The following BEX4 variants were observed in gnomAD, a reference collection of about 807,000 sequenced individuals.
The protein encoded by BEX4 is brain expressed X-linked 4.
For missense variants in BEX4, 110 were observed against 96.5 expected, an observed-to-expected ratio of 1.14 and a Z score of -0.59; for synonymous variants, 37 against 33.5, an observed-to-expected ratio of 1.11 and a Z score of -0.36.
At position 103,216,541 on chromosome X, in the gene BEX4, A is replaced by G; in HGVS notation, c.*25A>G. On this transcript the variant is annotated 3_prime_UTR_variant, in exon 3 of 3. Transcript: ENST00000372695. ...AATCCTAAAAGTTTTCGCTGAGGTT[A>G]ATGTGAACACTGCTTTACAAGCTTG... 8.5e-7 allele frequency: 1 copy of G among 1,177,381 alleles called. No individual in the cohort carries two copies. The highest frequency in any genetic ancestry group is 1.1e-6 in the Non-Finnish European group (1 of 876,954).
chrX:103,215,574 G>A (rs1924555959), intron 1 of BEX4, 108 bp from the exon 2 acceptor site: 1 of 532,942 alleles, frequency 1.9e-6, no homozygotes, highest in Non-Finnish European at 2.3e-6. Context: ...GAGGGCCAGG[G>A]CCAGGGCCAG....
Position 103,216,731 on chromosome X carries a change from A to C in BEX4, c.*215A>C. 2.9e-6 allele frequency: 1 copy of C among 346,776 alleles called. No individual in the cohort carries two copies. Among genetic ancestry groups the C allele is most frequent in the Non-Finnish European group, 5.0e-6 (1 of 200,406 alleles). The allele number at this position is 346,776 out of a possible 1,213,427, so 28.6% of individuals were successfully genotyped here. On this transcript the variant is annotated 3_prime_UTR_variant, in exon 3 of 3. Transcript: ENST00000372695. ...AAAAATACTCTTTTCATAATATGAA[A>C]TGCATAAAGCAGTTCAAAAAGCAGT...
intron 2 of BEX4, 122 bp downstream of exon 2, chrX:103,215,886 G>C (rs2273065): frequency 0.42 from 222,021 of 522,853 alleles, 39,302 homozygotes; most frequent in East Asian, 0.75. Flanking sequence ...CTTCCCACAC[G>C]CCATCCTCGT....
chrX:103,215,644 T>C (rs746027170), intron 1 of BEX4, 38 bp from the exon 2 acceptor site: 2 of 841,851 alleles, frequency 2.4e-6, no homozygotes, highest in African/African-American at 4.5e-5. Context: ...CTAGCTAGCG[T>C]TCTGCTGCAG....
chrX:103,215,565 A>C (rs1393729458), intron 1 of BEX4, 117 bp from the exon 2 acceptor site: 4 of 325,823 alleles, frequency 1.2e-5, no homozygotes, highest in African/African-American at 5.0e-5. Context: ...GGTGGCGAGG[A>C]GGGCCAGGGC....
chrX:103,215,362 G>A, intron 1 of BEX4, 124 bp downstream of exon 1: 1 of 499,017 alleles, frequency 2.0e-6, no homozygotes, highest in Non-Finnish European at 2.5e-6. Flanking sequence ...CGGGCCCCGC[G>A]GCGGGCCCGC....
chrX:103,216,549 C>T lies in BEX4; in HGVS notation c.*33C>T. The stretch of plus-strand genomic sequence containing the variant: ...AAGTTTTCGCTGAGGTTAATGTGAA[C>T]ACTGCTTTACAAGCTTGTATTTTTG... On this transcript the variant is annotated 3_prime_UTR_variant, in exon 3 of 3. Coordinates refer to ENST00000372695, the MANE Select transcript of BEX4 (RefSeq NM_001080425.4). 1 of 1,152,093 alleles carries T rather than the reference C, an allele frequency of 8.7e-7. No homozygotes were observed. Among genetic ancestry groups the T allele is most frequent in the East Asian group, 3.0e-5 (1 of 33,006 alleles). 94.9% of individuals were successfully genotyped at this position (1,152,093 alleles called of 1,213,427 possible). A position where few individuals can be genotyped will look rare whatever the true frequency, so the allele number is the denominator to read the frequency against.
At chrX:103,215,988 C>A (rs968182322) in intron 2 of BEX4, among the ~76,000 whole-genome samples, 161 bp from the exon 3 acceptor site, 1 of 111,021 alleles carries the variant, frequency 9.0e-6, no homozygotes, top group African/African-American at 3.3e-5. Context: ...TGAGGGCACC[C>A]CACAGGGCAT....
In BEX4 at chrX:103,216,370, C is replaced by T. The variant is rs1013473823; in HGVS notation, c.217C>T (p.His73Tyr). The T allele has an allele frequency of 2.0e-5, 24 of 1,209,657 alleles. No individual in the cohort carries two copies. Among genetic ancestry groups the T allele is most frequent in the Non-Finnish European group, 2.7e-5 (24 of 895,184 alleles). The stretch of plus-strand genomic sequence containing the variant: ...GGCCATACCTAATAGGCATATTGAG[C>T]ACAATGAAGCGAGAGATGATGTAGA... The part of the protein sequence containing the change: ...RWAIPNRHIE[H>Y]NEARDDVERF... Residue 73 changes from histidine (H) to tyrosine (Y), a missense_variant, in exon 3 of 3, where the codon CAC becomes TAC. Transcript: ENST00000372695.
Position 103,215,564 on chromosome X carries a change from GAGGGCCAGGGCC to G in BEX4, c.-88-99_-88-88del, listed in dbSNP as rs754363687. On this transcript the variant is annotated intron_variant, in intron 1 of 2. Coordinates refer to ENST00000372695, the MANE Select transcript of BEX4 (RefSeq NM_001080425.4). Reference sequence around the variant, plus strand: ...TGAGGCGGGGGGCGAGGGTGGCGAGGAGGGCCAGGGCCAGGGCCAGGGCCAGGGCCTCGGGGC... The same window carrying G: ...TGAGGCGGGGGGCGAGGGTGGCGAGGAGGGCCAGGGCCAGGGCCTCGGGGC... 314 of 519,357 alleles carry G rather than the reference GAGGGCCAGGGCC, an allele frequency of 6.0e-4. 2 individuals are homozygous for G. In the South Asian group the frequency reaches 7.7e-3, roughly 13 times the overall value. The allele number at this position is 519,357 out of a possible 1,213,427, so 42.8% of individuals were successfully genotyped here.
chrX:103,215,848 G>T, intron 2 of BEX4, 84 bp downstream of exon 2: 1 of 676,629 alleles, frequency 1.5e-6, no homozygotes, highest in South Asian at 4.9e-5. Flanking sequence ...CTTCACCCTC[G>T]CCCCCCTCTA....
chrX:103,216,533 C>CT lies in BEX4; in HGVS notation c.*18dup. The stretch of plus-strand genomic sequence containing the variant: ...ATACCTTGAATCCTAAAAGTTTTCG[C>CT]TGAGGTTAATGTGAACACTGCTTTA... On this transcript the variant is annotated 3_prime_UTR_variant, in exon 3 of 3. Coordinates refer to ENST00000372695, the MANE Select transcript of BEX4 (RefSeq NM_001080425.4). 8.4e-7 allele frequency: 1 copy of CT among 1,189,391 alleles called. No homozygotes were observed. Among genetic ancestry groups the CT allele is most frequent in the Non-Finnish European group, 1.1e-6 (1 of 884,399 alleles).
rs764419031 is a variant in BEX4 at position 103,216,288 on chromosome X, G to A, written c.135G>A (p.Lys45=). Residue 45 remains lysine, a synonymous_variant, in exon 3 of 3, where the codon AAG becomes AAA. Transcript: ENST00000372695. ...ATTTGGGAGGGGGTGAAGGCCAGAA[G>A]CCTGGAGGAAATATCAGGCGGGGGC... ...SRHLGGGEGQ[K]PGGNIRRGRV... 1.6e-5 allele frequency: 19 copies of A among 1,207,159 alleles called. No homozygotes were observed. The South Asian group carries it at 3.2e-4, about 20-fold the overall frequency.
In BEX4 at chrX:103,216,259, C is replaced by T. The variant is rs1186293589; in HGVS notation, c.106C>T (p.Arg36Cys). The change falls in exon 3 of 3, where the codon CGC becomes TGC. Residue 36 changes from arginine (R) to cysteine (C), a missense_variant. Physicochemically the swap from Arg to Cys is radical, Grantham distance 180. Coordinates refer to ENST00000372695, the MANE Select transcript of BEX4 (RefSeq NM_001080425.4). ...CCCCACGCAGAATGAAGAAGAATCC[C>T]GCCATTTGGGAGGGGGTGAAGGCCA... ...QAPTQNEEES[R>C]HLGGGEGQKP... is the part of the protein sequence containing the mutation. The T allele has an allele frequency of 1.7e-6, 2 of 1,195,346 alleles. No individual in the cohort carries two copies. The highest frequency in any genetic ancestry group is 3.5e-5 in the African/African-American group (2 of 56,497).
rs769558014 is a variant in BEX4 at position 103,216,138 on chromosome X, T to A, written c.-5-11T>A. On this transcript the variant is annotated splice_polypyrimidine_tract_variant and intron_variant, in intron 2 of 2. Transcript: ENST00000372695. ...AAGAATTCAGCCCATTTTCTCTCTC[T>A]TGTCTCCTAGGAGTAATGGAGTCCA... is the stretch of plus-strand genomic sequence containing the variant. 8.9e-7 allele frequency: 1 copy of A among 1,129,833 alleles called. No homozygotes were observed. Among genetic ancestry groups the A allele is most frequent in the Non-Finnish European group, 1.2e-6 (1 of 857,564 alleles). 93.1% of individuals were successfully genotyped at this position (1,129,833 alleles called of 1,213,427 possible).
In BEX4 at chrX:103,215,241, A is replaced by G; in HGVS notation, c.-89+3A>G. Reference sequence around the variant, plus strand: ...ATTAGGAAGCGGAGGGGGAGCAGGTAAGGAACCCGGCGGGGGGTCCCTGGG... The same window carrying G: ...ATTAGGAAGCGGAGGGGGAGCAGGTGAGGAACCCGGCGGGGGGTCCCTGGG... On this transcript the variant is annotated splice_donor_region_variant and intron_variant, in intron 1 of 2. Coordinates refer to ENST00000372695, the MANE Select transcript of BEX4 (RefSeq NM_001080425.4). 1 of 755,056 alleles carries G rather than the reference A, an allele frequency of 1.3e-6. No homozygotes were observed. The highest frequency in any genetic ancestry group is 1.6e-6 in the Non-Finnish European group (1 of 639,844). The allele number at this position is 755,056 out of a possible 1,213,427, so 62.2% of individuals were successfully genotyped here.
intron 1 of BEX4, 104 bp downstream of exon 1, chrX:103,215,342 A>G (rs1008015231): frequency 3.5e-6 from 2 of 576,776 alleles, no homozygotes; most frequent in Non-Finnish European, 4.2e-6. Context: ...TCGGTCCGCG[A>G]TGCAGCCCCC....
In BEX4 at chrX:103,216,307, C is replaced by G; in HGVS notation, c.154C>G (p.Arg52Gly). 2 of 1,209,412 alleles carry G rather than the reference C, an allele frequency of 1.7e-6. No homozygotes were observed. The highest frequency in any genetic ancestry group is 2.2e-6 in the Non-Finnish European group (2 of 894,401). The part of the protein sequence containing the change: ...EGQKPGGNIR[R>G]GRVRRLVPNF... ...CCAGAAGCCTGGAGGAAATATCAGG[C>G]GGGGGCGAGTTAGGCGACTTGTCCC... The change falls in exon 3 of 3, where the codon CGG (arginine) becomes GGG (glycine). Residue 52 changes from arginine to glycine, a missense_variant. By Grantham distance (125) the Arg-to-Gly change is moderately radical. Coordinates refer to ENST00000372695, the MANE Select transcript of BEX4 (RefSeq NM_001080425.4).
In BEX4 at chrX:103,216,482, C is replaced by T; in HGVS notation, c.329C>T (p.Pro110Leu). 8.3e-7 allele frequency: 1 copy of T among 1,209,922 alleles called. No homozygotes were observed. Among genetic ancestry groups the T allele is most frequent in the Non-Finnish European group, 1.1e-6 (1 of 894,673 alleles). The change falls in exon 3 of 3, where the codon CCT (proline) becomes CTT (leucine). Residue 110 changes from proline (P) to leucine (L), a missense_variant. Transcript: ENST00000372695. ...TATATGCGCTTCCAAACTCCTGAAC[C>T]TGACAACCATTATGACTTTTGCCTC... ...RHYMRFQTPE[P>L]DNHYDFCLIP is the part of the protein sequence containing the mutation.
Sources: gnomAD v4.1 joint callset for allele counts (sites outside exome capture counted in the v4.1 genomes callset) on GRCh38, gnomAD v4.1.1 for gene constraint, MANE v1.5 for transcripts, NCBI Gene and HGNC (gene_info 2026-07-23, HGNC 2026-07-21) for gene names.